SLC2A4: variants seen among roughly 807,000 people sequenced by gnomAD.
SLC2A4 encodes the protein solute carrier family 2, facilitated glucose transporter member 4.
SLC2A4 carries 31 observed loss-of-function variants against 53.3 expected under a neutral mutation model. That is an observed-to-expected ratio of 0.58 (90% CI 0.44 to 0.78). The LOEUF (loss-of-function observed/expected upper bound fraction) is 0.78. Ranked by LOEUF, SLC2A4 falls within the 30% of genes least tolerant of loss-of-function variation. SLC2A4 has a pLI of 0.00. For synonymous variants in SLC2A4, 276 were observed against 281.9 expected (o/e 0.98, Z 0.21); for missense variants, 538 against 655.7 (o/e 0.82, Z 1.96).
chr17:7,283,775 C>A lies in SLC2A4; in HGVS notation c.361C>A (p.Leu121Met). The part of the protein sequence containing the change: ...AMLVNNVLAV[L>M]GGSLMGLANA... ...GCTGGTCAACAATGTCCTGGCGGTG[C>A]TGGGGGGCAGCCTCATGGGCCTGGC... is the stretch of plus-strand genomic sequence containing the variant. The change falls in exon 4 of 11, where the codon CTG becomes ATG. Residue 121 changes from leucine to methionine, a missense_variant. Transcript: ENST00000317370. This position sits in a 1 kb window ranked among gnomAD's most constrained non-coding sequence, Gnocchi z 5.8. The A allele has an allele frequency of 6.2e-7, 1 of 1,614,096 alleles. No individual in the cohort carries two copies. The highest frequency in any genetic ancestry group is 8.5e-7 in the Non-Finnish European group (1 of 1,180,008).
rs746649688 is a variant in SLC2A4 at position 7,284,487 on chromosome 17, C to A, written c.730C>A (p.Leu244Met). ...AGGCCTGACCTTCCCTTCTCCAGGT[C>A]TGAAGCGCCTGACAGGCTGGGCCGA... Reference protein sequence around the residue: ...QNLEGPARKSLKRLTGWADVS... With the variant: ...QNLEGPARKSMKRLTGWADVS... Residue 244 changes from leucine to methionine, a missense_variant and splice_region_variant, in exon 7 of 11, where the codon CTG (leucine) becomes ATG (methionine). Transcript: ENST00000317370. The surrounding 1 kb of genome is among the most constrained non-coding windows in gnomAD (Gnocchi z 7.5). The A allele has an allele frequency of 1.2e-6, 2 of 1,614,284 alleles. No individual in the cohort carries two copies. Among genetic ancestry groups the A allele is most frequent in the East Asian group, 2.2e-5 (1 of 44,894 alleles).
In SLC2A4 at chr17:7,285,495, A is replaced by G. The variant is rs1002981482; in HGVS notation, c.1123-210A>G. ...TAGAGTCCAGGGAGAGCTGACCGTC[A>G]TAAGAACTGAGAGGCCATAACATTT... On this transcript the variant is annotated intron_variant, in intron 9 of 10. Coordinates refer to ENST00000317370, the MANE Select transcript of SLC2A4 (RefSeq NM_001042.3). This position sits in a 1 kb window ranked among gnomAD's most constrained non-coding sequence, Gnocchi z 6.0. Among the ~76,000 whole-genome samples, 1 of 152,214 alleles carries G rather than the reference A, an allele frequency of 6.6e-6. No homozygotes were observed. Among genetic ancestry groups the G allele is most frequent in the Non-Finnish European group, 1.5e-5 (1 of 68,024 alleles).
At position 7,286,603 on chromosome 17, in the gene SLC2A4, T is replaced by G; in HGVS notation, c.1504T>G (p.Tyr502Asp). 1 of 1,613,928 alleles carries G rather than the reference T, an allele frequency of 6.2e-7. No homozygotes were observed. Among genetic ancestry groups the G allele is most frequent in the Non-Finnish European group, 8.5e-7 (1 of 1,179,972 alleles). Residue 502 changes from tyrosine to aspartate, a missense_variant, in exon 11 of 11, where the codon TAT becomes GAT. Transcript: ENST00000317370. ...GGTGAAACCCAGCACAGAACTTGAG[T>G]ATTTAGGGCCAGATGAGAACGACTG... ...QEVKPSTELE[Y>D]LGPDEND
Position 7,285,672 on chromosome 17 carries a change from C to A in SLC2A4, c.1123-33C>A, listed in dbSNP as rs371654642. On this transcript the variant is annotated intron_variant, in intron 9 of 10. Transcript: ENST00000317370. This position sits in a 1 kb window ranked among gnomAD's most constrained non-coding sequence, Gnocchi z 6.0. ...CAAGGGAAGATCAGAAAGGCCTCAACTGGATTCTCCACCCTCCCTGTCTGG... is the reference window on the plus strand; with the variant it reads ...CAAGGGAAGATCAGAAAGGCCTCAAATGGATTCTCCACCCTCCCTGTCTGG... 4.8e-4 allele frequency: 771 copies of A among 1,607,922 alleles called. 5 individuals are homozygous for A. In the South Asian group the frequency reaches 5.2e-3, roughly 11 times the overall value.
chr17:7,285,135 C>G lies in SLC2A4; in HGVS notation c.1068C>G (p.Gly356=). Residue 356 remains glycine, a synonymous_variant, in exon 9 of 11, where the codon GGC becomes GGG. Coordinates refer to ENST00000317370, the MANE Select transcript of SLC2A4 (RefSeq NM_001042.3). The surrounding 1 kb of genome is among the most constrained non-coding windows in gnomAD (Gnocchi z 6.0). ...RAGRRTLHLL[G]LAGMCGCAIL... is the part of the protein sequence containing the mutation. ...GGCGCCGGACGCTCCATCTCCTGGG[C>G]CTGGCGGGCATGTGTGGCTGTGCCA... is the stretch of plus-strand genomic sequence containing the variant. 6 of 1,604,930 alleles carry G rather than the reference C, an allele frequency of 3.7e-6. No individual in the cohort carries two copies. The highest frequency in any genetic ancestry group is 5.1e-6 in the Non-Finnish European group (6 of 1,177,258).
Position 7,284,877 on chromosome 17 carries a change from G to T in SLC2A4, c.958G>T (p.Gly320Cys). 1 of 1,614,200 alleles carries T rather than the reference G, an allele frequency of 6.2e-7. No homozygotes were observed. Among genetic ancestry groups the T allele is most frequent in the African/African-American group, 1.3e-5 (1 of 75,062 alleles). Residue 320 changes from glycine (G) to cysteine (C), a missense_variant, in exon 8 of 11, where the codon GGC becomes TGC. Coordinates refer to ENST00000317370, the MANE Select transcript of SLC2A4 (RefSeq NM_001042.3). The surrounding 1 kb of genome is among the most constrained non-coding windows in gnomAD (Gnocchi z 7.5). ...STSIFETAGVGQPAYATIGAG... is the reference protein window; with the variant it reads ...STSIFETAGVCQPAYATIGAG... Reference sequence around the variant, plus strand: ...CAGCATCTTCGAGACAGCAGGGGTAGGCCAGCCTGCCTATGCCACCATAGG... The same window carrying T: ...CAGCATCTTCGAGACAGCAGGGGTATGCCAGCCTGCCTATGCCACCATAGG...
At position 7,285,683 on chromosome 17, in the gene SLC2A4, A is replaced by G; in HGVS notation, c.1123-22A>G. The G allele has an allele frequency of 1.2e-6, 2 of 1,612,562 alleles. No individual in the cohort carries two copies. The highest frequency in any genetic ancestry group is 2.2e-5 in the East Asian group (1 of 44,866). ...CAGAAAGGCCTCAACTGGATTCTCC[A>G]CCCTCCCTGTCTGGCCCCTAGGAGC... is the stretch of plus-strand genomic sequence containing the variant. On this transcript the variant is annotated intron_variant, in intron 9 of 10. Transcript: ENST00000317370. The surrounding 1 kb of genome is among the most constrained non-coding windows in gnomAD (Gnocchi z 6.0).
Position 7,283,695 on chromosome 17 carries a change from T to C in SLC2A4, c.324-43T>C. ...GGGGAAACAGGAAGGGAGCCACTGC[T>C]GGGTGCCCTCACCCTCACAGCCTCA... On this transcript the variant is annotated intron_variant, in intron 3 of 10. Coordinates refer to ENST00000317370, the MANE Select transcript of SLC2A4 (RefSeq NM_001042.3). This position sits in a 1 kb window ranked among gnomAD's most constrained non-coding sequence, Gnocchi z 5.8. The C allele has an allele frequency of 3.7e-6, 6 of 1,613,946 alleles. No homozygotes were observed. The highest frequency in any genetic ancestry group is 5.1e-6 in the Non-Finnish European group (6 of 1,180,006).
chr17:7,284,858 C>T lies in SLC2A4; in HGVS notation c.939C>T (p.Ile313=). The T allele has an allele frequency of 6.2e-7, 1 of 1,614,250 alleles. No individual in the cohort carries two copies. Among genetic ancestry groups the T allele is most frequent in the Non-Finnish European group, 8.5e-7 (1 of 1,180,042 alleles). ...INAVFYYSTS[I]FETAGVGQPA... Reference sequence around the variant, plus strand: ...AGGTTTTCTATTATTCGACCAGCATCTTCGAGACAGCAGGGGTAGGCCAGC... The same window carrying T: ...AGGTTTTCTATTATTCGACCAGCATTTTCGAGACAGCAGGGGTAGGCCAGC... Residue 313 remains isoleucine, a synonymous_variant, in exon 8 of 11, where the codon ATC becomes ATT. Transcript: ENST00000317370. The surrounding 1 kb of genome is among the most constrained non-coding windows in gnomAD (Gnocchi z 7.5).
chr17:7,284,872 G>A lies in SLC2A4; in HGVS notation c.953G>A (p.Gly318Glu), dbSNP rs753442082. ...YYSTSIFETA[G>E]VGQPAYATIG... ...TCGACCAGCATCTTCGAGACAGCAG[G>A]GGTAGGCCAGCCTGCCTATGCCACC... The change falls in exon 8 of 11, where the codon GGG becomes GAG. Residue 318 changes from glycine to glutamate, a missense_variant. Gly to Glu is a moderately conservative substitution (Grantham distance 98). Transcript: ENST00000317370. The surrounding 1 kb of genome is among the most constrained non-coding windows in gnomAD (Gnocchi z 7.5). The A allele has an allele frequency of 2.5e-6, 4 of 1,614,094 alleles. No homozygotes were observed. The highest frequency in any genetic ancestry group is 2.7e-5 in the African/African-American group (2 of 74,930).
In SLC2A4 at chr17:7,284,420, C is replaced by T. The variant is rs751569843; in HGVS notation, c.727+41C>T. 2.4e-5 allele frequency: 39 copies of T among 1,613,948 alleles called. No homozygotes were observed. The highest frequency in any genetic ancestry group is 1.1e-4 in the East Asian group (5 of 44,898). ...GCAGCCTGGCCCAGGCCCATGCCTC[C>T]GCCTCATCTTGCTAGCACCTGGCTT... On this transcript the variant is annotated intron_variant, in intron 6 of 10. Coordinates refer to ENST00000317370, the MANE Select transcript of SLC2A4 (RefSeq NM_001042.3). The surrounding 1 kb of genome is among the most constrained non-coding windows in gnomAD (Gnocchi z 7.5).
rs1407829528 is a variant in SLC2A4, at chr17:7,282,441, G to A, written c.33+474G>A. 2 of 456,574 alleles carry A rather than the reference G, an allele frequency of 4.4e-6. No homozygotes were observed. The highest frequency in any genetic ancestry group is 1.5e-5 in the South Asian group (1 of 64,530). 28.3% of individuals were successfully genotyped at this position (456,574 alleles called of 1,614,324 possible). A position where few individuals can be genotyped will look rare whatever the true frequency, so the allele number is the denominator to read the frequency against. On this transcript the variant is annotated intron_variant, in intron 1 of 10. Transcript: ENST00000317370. This position sits in a 1 kb window ranked among gnomAD's most constrained non-coding sequence, Gnocchi z 4.1. Reference sequence around the variant, plus strand: ...CCCTTGGCCCCATGGTTGGTGGAGGGGCAGAGGGGACTGTCAGCCCCCCCT... The same window carrying A: ...CCCTTGGCCCCATGGTTGGTGGAGGAGCAGAGGGGACTGTCAGCCCCCCCT...
In SLC2A4 at chr17:7,282,230, GGCGGC is replaced by G; in HGVS notation, c.33+271_33+275del. 1.6e-6 allele frequency: 1 copy of G among 608,172 alleles called. No individual in the cohort carries two copies. The highest frequency in any genetic ancestry group is 1.7e-5 in the South Asian group (1 of 59,310). The allele number at this position is 608,172 out of a possible 1,614,324, so 37.7% of individuals were successfully genotyped here. A position where few individuals can be genotyped will look rare whatever the true frequency, so the allele number is the denominator to read the frequency against. ...CCAGGGTTCACCCCCTTGCCTAGTA[GGCGGC>G]GCGGCGCTCCGGAATCGGGGACACC... On this transcript the variant is annotated intron_variant, in intron 1 of 10. Transcript: ENST00000317370. This position sits in a 1 kb window ranked among gnomAD's most constrained non-coding sequence, Gnocchi z 4.1.
At position 7,283,666 on chromosome 17, in the gene SLC2A4, G is replaced by C; in HGVS notation, c.323+21G>C. 1 of 1,613,960 alleles carries C rather than the reference G, an allele frequency of 6.2e-7. No individual in the cohort carries two copies. The highest frequency in any genetic ancestry group is 2.2e-5 in the East Asian group (1 of 44,864). On this transcript the variant is annotated intron_variant, in intron 3 of 10. Coordinates refer to ENST00000317370, the MANE Select transcript of SLC2A4 (RefSeq NM_001042.3). This position sits in a 1 kb window ranked among gnomAD's most constrained non-coding sequence, Gnocchi z 5.8. Reference sequence around the variant, plus strand: ...GGAAGGTTCGCAGCTGGAGGGCAGGGGTGGGGGAAACAGGAAGGGAGCCAC... The same window carrying C: ...GGAAGGTTCGCAGCTGGAGGGCAGGCGTGGGGGAAACAGGAAGGGAGCCAC...
In SLC2A4 at chr17:7,284,753, C is replaced by T. The variant is rs2072433986; in HGVS notation, c.915+81C>T. On this transcript the variant is annotated intron_variant, in intron 7 of 10. Coordinates refer to ENST00000317370, the MANE Select transcript of SLC2A4 (RefSeq NM_001042.3). This position sits in a 1 kb window ranked among gnomAD's most constrained non-coding sequence, Gnocchi z 7.5. ...GGGGAGCAAACCCCCTCCACCAACACCCAGGGTAGGGCCAGCCTGTTGTGG... is the reference window on the plus strand; with the variant it reads ...GGGGAGCAAACCCCCTCCACCAACATCCAGGGTAGGGCCAGCCTGTTGTGG... 6.2e-7 allele frequency: 1 copy of T among 1,609,976 alleles called. No individual in the cohort carries two copies. Among genetic ancestry groups the T allele is most frequent in the Non-Finnish European group, 8.5e-7 (1 of 1,176,212 alleles).
chr17:7,283,343 C>T lies in SLC2A4; in HGVS notation c.132C>T (p.Val44=), dbSNP rs147146068. The change falls in exon 2 of 11, where the codon GTC becomes GTT. Residue 44 remains valine (V), a synonymous_variant. Coordinates refer to ENST00000317370, the MANE Select transcript of SLC2A4 (RefSeq NM_001042.3). The surrounding 1 kb of genome is among the most constrained non-coding windows in gnomAD (Gnocchi z 5.8). Reference sequence around the variant, plus strand: ...TGCAGTTTGGGTACAACATTGGGGTCATCAATGCCCCTCAGAAGGTGAGGG... The same window carrying T: ...TGCAGTTTGGGTACAACATTGGGGTTATCAATGCCCCTCAGAAGGTGAGGG... ...GSLQFGYNIG[V]INAPQKVIEQ... is the part of the protein sequence containing the mutation. The T allele has an allele frequency of 1.0e-4, 161 of 1,613,308 alleles. No homozygotes were observed. Among genetic ancestry groups the T allele is most frequent in the Non-Finnish European group, 1.3e-4 (148 of 1,179,770 alleles).
rs1460195618 is a variant in SLC2A4 at position 7,286,483 on chromosome 17, A to G, written c.1384A>G (p.Ile462Val). The change falls in exon 11 of 11, where the codon ATC becomes GTC. Residue 462 changes from isoleucine to valine, a missense_variant. Transcript: ENST00000317370. Reference sequence around the variant, plus strand: ...TGCGGTCCTCCTGCTGGGCTTCTTCATCTTCACCTTCTTAAGAGTACCTGA... The same window carrying G: ...TGCGGTCCTCCTGCTGGGCTTCTTCGTCTTCACCTTCTTAAGAGTACCTGA... The part of the protein sequence containing the change: ...LFAVLLLGFF[I>V]FTFLRVPETR... 2.5e-6 allele frequency: 4 copies of G among 1,613,908 alleles called. No homozygotes were observed. Among genetic ancestry groups the G allele is most frequent in the Admixed American group, 1.7e-5 (1 of 59,986 alleles).
In SLC2A4 at chr17:7,287,027, CAAG is replaced by C. The variant is rs1225782623; in HGVS notation, c.*401_*403del. 4.3e-5 allele frequency: 10 copies of C among 234,628 alleles called. No individual in the cohort carries two copies. Among genetic ancestry groups the C allele is most frequent in the South Asian group, 3.2e-4 (5 of 15,824 alleles). The allele number at this position is 234,628 out of a possible 1,614,324, so 14.5% of individuals were successfully genotyped here. A position where few individuals can be genotyped will look rare whatever the true frequency, so the allele number is the denominator to read the frequency against. ...CCAGAGCAGAGAGCAGGACAGGAGA[CAAG>C]AAATCCAGTTTCCCACCACCTTGGA... On this transcript the variant is annotated 3_prime_UTR_variant, in exon 11 of 11. Coordinates refer to ENST00000317370, the MANE Select transcript of SLC2A4 (RefSeq NM_001042.3).
At position 7,285,212 on chromosome 17, in the gene SLC2A4, G is replaced by T. The variant is rs760571824; in HGVS notation, c.1122+23G>T. 9 of 1,558,558 alleles carry T rather than the reference G, an allele frequency of 5.8e-6. No individual in the cohort carries two copies. In the South Asian group the frequency reaches 7.0e-5, roughly 12 times the overall value. ...CTGGTAAGGCCTGGAGGCTAGGAGGGGCTAGCAGCCCACCCCATGGGAATG... is the reference window on the plus strand; with the variant it reads ...CTGGTAAGGCCTGGAGGCTAGGAGGTGCTAGCAGCCCACCCCATGGGAATG... On this transcript the variant is annotated intron_variant, in intron 9 of 10. Transcript: ENST00000317370. The surrounding 1 kb of genome is among the most constrained non-coding windows in gnomAD (Gnocchi z 6.0).
Sources: allele counts gnomAD v4.1 joint callset (sites outside exome capture counted in the v4.1 genomes callset), GRCh38; gene constraint gnomAD v4.1.1; non-coding constraint Gnocchi (gnomAD v3.1); transcripts MANE v1.5; gene names NCBI Gene and HGNC (gene_info 2026-07-23, HGNC 2026-07-21).